The following CTNNA3 variants were observed in gnomAD, a reference collection of about 807,000 sequenced individuals.
CTNNA3 encodes catenin alpha-3.
In CTNNA3, 76 loss-of-function variants were observed where a neutral mutation model predicts 95.7. That is an observed-to-expected ratio of 0.79 (90% CI 0.66 to 0.96). The LOEUF (loss-of-function observed/expected upper bound fraction) is 0.96. CTNNA3 is among the 40% of genes least tolerant of loss of function. The pLI is 0.00. For synonymous variants in CTNNA3, 431 were observed against 374.4 expected (o/e 1.15, Z -1.74); for missense variants, 1,191 against 1,089.8 (o/e 1.09, Z -1.31).
intron 15 of CTNNA3, among the ~76,000 whole-genome samples, chr10:66,060,886 C>CCA (rs2080182456): frequency 6.6e-6 from 1 of 151,978 alleles, no homozygotes. Flanking sequence ...CCCAGTCACC[C>CCA]CATCCTCTAC....
intron 1 of CTNNA3, among the ~76,000 whole-genome samples, chr10:67,711,301 G>C (rs753444641): frequency 9.9e-5 from 15 of 152,214 alleles, no homozygotes; most frequent in Non-Finnish European, 1.8e-4. Flanking sequence ...GCAGAGGTTG[G>C]AACAGTTTGG....
At chr10:67,390,110 G>C (rs188513671) in intron 5 of CTNNA3, among the ~76,000 whole-genome samples, 1 of 152,238 alleles carries the variant, frequency 6.6e-6, no homozygotes, top group African/African-American at 2.4e-5. Context: ...AAAAATTAAT[G>C]AATCCAGGAG....
intron 10 of CTNNA3, among the ~76,000 whole-genome samples, chr10:66,596,007 A>G (rs930020367): frequency 6.6e-6 from 1 of 151,954 alleles, no homozygotes; most frequent in Non-Finnish European, 1.5e-5. Context: ...ATGGTGACTC[A>G]ATAACTCAAC....
At chr10:66,088,373 T>C (rs372126599) in intron 14 of CTNNA3, among the ~76,000 whole-genome samples, 2 of 152,050 alleles carry the variant, frequency 1.3e-5, no homozygotes, top group Admixed American at 6.6e-5. Context: ...CTGTATAATA[T>C]AGATTTGTCA....
At chr10:67,431,608 GA>G (rs1846115100) in intron 5 of CTNNA3, among the ~76,000 whole-genome samples, 1 of 151,920 alleles carries the variant, frequency 6.6e-6, no homozygotes, top group Admixed American at 6.6e-5. Flanking sequence ...GATGCAGCCT[GA>G]AGGGTACACT....
chr10:65,946,301 A>G (rs1191811887), intron 17 of CTNNA3, among the ~76,000 whole-genome samples: 2 of 152,162 alleles, frequency 1.3e-5, no homozygotes, highest in African/African-American at 2.4e-5. Flanking sequence ...ACAAATGTAA[A>G]CCAAACTGAC....
intron 1 of CTNNA3, among the ~76,000 whole-genome samples, chr10:67,680,432 T>C (rs182502281): frequency 3.9e-4 from 59 of 152,324 alleles, no homozygotes; most frequent in African/African-American, 1.3e-3. Flanking sequence ...CAATCAATCA[T>C]GGCTTGGGTG....
chr10:66,968,199 A>T, intron 7 of CTNNA3, among the ~76,000 whole-genome samples: 1 of 152,058 alleles, frequency 6.6e-6, no homozygotes, highest in East Asian at 1.9e-4. Flanking sequence ...CCATCATCAA[A>T]TAAGAGTATG....
intron 7 of CTNNA3, among the ~76,000 whole-genome samples, chr10:67,017,323 A>C (rs1290177173): frequency 2.0e-5 from 3 of 152,198 alleles, no homozygotes; most frequent in Admixed American, 2.0e-4. Context: ...TAGGTTAGTT[A>C]CCAAGAACAC....
At chr10:66,904,573 A>C (rs946836558) in intron 7 of CTNNA3, among the ~76,000 whole-genome samples, 10 of 152,232 alleles carry the variant, frequency 6.6e-5, no homozygotes, top group Non-Finnish European at 1.0e-4. Flanking sequence ...CATCAGAGCG[A>C]ACAGACAAGC....
chr10:66,286,680 T>C (rs1290640453), intron 12 of CTNNA3, among the ~76,000 whole-genome samples: 1 of 151,972 alleles, frequency 6.6e-6, no homozygotes, highest in Non-Finnish European at 1.5e-5. Context: ...TGGGATCACA[T>C]CTAGTAGGAG....
intron 5 of CTNNA3, among the ~76,000 whole-genome samples, chr10:67,493,750 A>G (rs1189094452): frequency 6.6e-6 from 1 of 152,154 alleles, no homozygotes; most frequent in Non-Finnish European, 1.5e-5. Flanking sequence ...CTGTCCAAAA[A>G]TGGATGTAGT....
intron 9 of CTNNA3, among the ~76,000 whole-genome samples, chr10:66,685,578 T>A (rs868808177): frequency 1.5e-4 from 23 of 150,810 alleles, no homozygotes; most frequent in Middle Eastern, 3.4e-3. Flanking sequence ...TTCACCATGT[T>A]AGCCAGGATG....
intron 13 of CTNNA3, among the ~76,000 whole-genome samples, chr10:66,251,169 T>C (rs1260109241): frequency 6.6e-6 from 1 of 152,206 alleles, no homozygotes; most frequent in Admixed American, 6.5e-5. Context: ...AGAAAGAGTA[T>C]TGTAGTAAGC....
At chr10:66,738,776 C>T (rs1353299900) in intron 9 of CTNNA3, among the ~76,000 whole-genome samples, 1 of 152,168 alleles carries the variant, frequency 6.6e-6, no homozygotes, top group Non-Finnish European at 1.5e-5. Context: ...GTATCATCTC[C>T]TGTTTCCCTA....
intron 7 of CTNNA3, among the ~76,000 whole-genome samples, chr10:67,164,365 C>T (rs1228998096): frequency 6.6e-6 from 1 of 151,994 alleles, no homozygotes; most frequent in Non-Finnish European, 1.5e-5. Flanking sequence ...AATGGAGGAA[C>T]AAATAGTGCT....
chr10:66,361,329 C>T (rs2092673096), intron 12 of CTNNA3, among the ~76,000 whole-genome samples: 1 of 125,270 alleles, frequency 8.0e-6, no homozygotes, highest in Middle Eastern at 4.2e-3. Flanking sequence ...TCCCCTTCCT[C>T]CCTCCCTCCC....
chr10:66,440,903 A>G (rs1051095298), intron 11 of CTNNA3, among the ~76,000 whole-genome samples: 2 of 152,218 alleles, frequency 1.3e-5, no homozygotes, highest in African/African-American at 4.8e-5. Flanking sequence ...CTCTAAGTAG[A>G]TGTTTTTGTA....
chr10:66,178,440 T>TATATATATAC (rs1231414006), intron 13 of CTNNA3, among the ~76,000 whole-genome samples: 39 of 105,616 alleles, frequency 3.7e-4, no homozygotes, highest in Non-Finnish European at 6.2e-4. Context: ...TATATATATA[T>TATATATATAC]ATACACACAC....
Sources: allele counts gnomAD v4.1 joint callset (sites outside exome capture counted in the v4.1 genomes callset), GRCh38; gene constraint gnomAD v4.1.1; transcripts MANE v1.5; gene names NCBI Gene and HGNC (gene_info 2026-07-23, HGNC 2026-07-21).